Variants in NOL4 observed in about 807,000 individuals in gnomAD.
NOL4 encodes the protein nucleolar protein 4, also known as cancer/testis antigen 125.
In NOL4, 17 loss-of-function variants were observed where a neutral mutation model predicts 75.9. The observed-to-expected ratio is 0.22, with a 90% CI of 0.15 to 0.34. NOL4 has a LOEUF of 0.34. NOL4 is among the 10% of genes least tolerant of loss of function. NOL4 has a pLI of 1.00. For synonymous variants in NOL4, 292 were observed against 289.9 expected, an observed-to-expected ratio of 1.01 and a Z score of -0.07; for missense variants, 614 against 793.5, an observed-to-expected ratio of 0.77 and a Z score of 2.72.
At chr18:33,905,889 A>G (rs1479233806) in intron 9 of NOL4, among the ~76,000 whole-genome samples, 2 of 152,198 alleles carry the variant, frequency 1.3e-5, no homozygotes, top group Admixed American at 1.3e-4. Context: ...TCCAACCAGT[A>G]GTACCCAGAT....
intron 1 of NOL4, among the ~76,000 whole-genome samples, chr18:34,152,562 G>A (rs2081695181): frequency 6.6e-6 from 1 of 151,808 alleles, no homozygotes; most frequent in African/African-American, 2.4e-5. Flanking sequence ...TAAAACTGCA[G>A]ATAACCACAA....
chr18:33,887,571 G>A (rs2064826370), intron 9 of NOL4, among the ~76,000 whole-genome samples: 1 of 150,168 alleles, frequency 6.7e-6, no homozygotes, highest in South Asian at 2.1e-4. Context: ...CCCTCCCCCA[G>A]CCCCCACCCC....
intron 1 of NOL4, among the ~76,000 whole-genome samples, chr18:34,199,142 GAAGT>G (rs2035550810): frequency 1.6e-5 from 2 of 125,728 alleles, no homozygotes; most frequent in Non-Finnish European, 3.4e-5. Flanking sequence ...CTGGGACAGA[GAAGT>G]TTTTTTTTTT....
At chr18:33,927,839 G>T (rs745598174) in intron 9 of NOL4, among the ~76,000 whole-genome samples, 1 of 151,610 alleles carries the variant, frequency 6.6e-6, no homozygotes, top group African/African-American at 2.4e-5. Context: ...TGTGTTCCTC[G>T]AGGCCACAAG....
At chr18:33,994,892 T>C (rs2073164234) in intron 6 of NOL4, among the ~76,000 whole-genome samples, 1 of 151,540 alleles carries the variant, frequency 6.6e-6, no homozygotes, top group Non-Finnish European at 1.5e-5. Flanking sequence ...GACAAAACTT[T>C]AGTAGATCAA....
intron 1 of NOL4, among the ~76,000 whole-genome samples, chr18:34,148,468 T>C (rs958067724): frequency 2.0e-5 from 3 of 152,136 alleles, no homozygotes; most frequent in Non-Finnish European, 4.4e-5. Flanking sequence ...AATTTCGTTA[T>C]TTACCCAGTT....
chr18:34,021,275 T>C (rs530923654), intron 5 of NOL4, among the ~76,000 whole-genome samples: 1 of 152,280 alleles, frequency 6.6e-6, no homozygotes, highest in East Asian at 1.9e-4. Context: ...ATAGAAGGCT[T>C]CCTAAAGAAG....
chr18:34,064,719 C>T (rs905799335), intron 5 of NOL4, among the ~76,000 whole-genome samples: 15 of 151,830 alleles, frequency 9.9e-5, no homozygotes, highest in Middle Eastern at 6.8e-3. Flanking sequence ...TGTATTATAG[C>T]AATGTAAGTC....
At chr18:33,874,612 G>A (rs971032556) in intron 10 of NOL4, among the ~76,000 whole-genome samples, 1 of 151,932 alleles carries the variant, frequency 6.6e-6, no homozygotes, top group Non-Finnish European at 1.5e-5. Flanking sequence ...CTTTTGTTTG[G>A]CAATAAGTAG....
At chr18:34,179,777 CTG>C (rs2033878087) in intron 1 of NOL4, among the ~76,000 whole-genome samples, 1 of 151,592 alleles carries the variant, frequency 6.6e-6, no homozygotes, top group Admixed American at 6.6e-5. Flanking sequence ...AAGATACTCT[CTG>C]TGCACCAGAA....
At position 34,099,362 on chromosome 18, in the gene NOL4, C is replaced by CAAAAAAA. The variant is rs58940650; in HGVS notation, c.639+4678_639+4684dup. Among the ~76,000 whole-genome samples the CAAAAAAA allele has an allele frequency of 5.1e-4, 41 of 80,008 alleles. 2 individuals are homozygous for CAAAAAAA. The highest frequency in any genetic ancestry group is 2.0e-3 in the Admixed American group (13 of 6,476). 52.5% of individuals were successfully genotyped at this position (80,008 alleles called of 152,430 possible). A position where few individuals can be genotyped will look rare whatever the true frequency, so the allele number is the denominator to read the frequency against. Reference sequence around the variant, plus strand: ...TAGGCAACAGAGTGAGACTTTGTCTCAAAAAAAAAAAAAAAGACAACTACG... The same window carrying CAAAAAAA: ...TAGGCAACAGAGTGAGACTTTGTCTCAAAAAAAAAAAAAAAAAAAAAAGACAACTACG... On this transcript the variant is annotated intron_variant, in intron 4 of 10. Transcript: ENST00000261592.
chr18:34,111,952 A>C (rs1314809190), intron 2 of NOL4, among the ~76,000 whole-genome samples: 1 of 152,216 alleles, frequency 6.6e-6, no homozygotes, highest in Non-Finnish European at 1.5e-5. Context: ...TTGAAAATAG[A>C]ACTGCCAAGT....
At chr18:34,221,433 G>C (rs1600921606) in intron 1 of NOL4, 1 of 151,562 alleles carries the variant, frequency 6.6e-6, no homozygotes, top group Admixed American at 6.6e-5. Flanking sequence ...TCAGATTTCT[G>C]GCTCATCCAG....
intron 9 of NOL4, among the ~76,000 whole-genome samples, chr18:33,916,229 G>A (rs750846198): frequency 1.9e-4 from 29 of 152,086 alleles, no homozygotes; most frequent in Admixed American, 1.6e-3. Context: ...GCTCTAGAAT[G>A]ACTCTCTATG....
rs548897538 is a variant in NOL4, at chr18:34,054,066, T to A, written c.773-34465A>T. 6.5e-4 allele frequency among the ~76,000 whole-genome samples: 99 copies of A among 152,112 alleles called. 1 individual carries two copies. In the South Asian group the frequency reaches 0.02, roughly 30 times the overall value. On this transcript the variant is annotated intron_variant, in intron 5 of 10. Coordinates refer to ENST00000261592, the MANE Select transcript of NOL4 (RefSeq NM_003787.5). The stretch of plus-strand genomic sequence containing the variant: ...GCAAGCAAATTCTCACATAATTATT[T>A]TTAAATGCTAGATAGTTGGTATAAT...
intron 5 of NOL4, among the ~76,000 whole-genome samples, chr18:34,068,919 T>A (rs2077395665): frequency 6.6e-6 from 1 of 152,198 alleles, no homozygotes; most frequent in South Asian, 2.1e-4. Flanking sequence ...GGATTTATTA[T>A]CTGGGAAATA....
At chr18:33,904,879 A>G (rs1220730560) in intron 9 of NOL4, among the ~76,000 whole-genome samples, 1 of 152,192 alleles carries the variant, frequency 6.6e-6, no homozygotes, top group Non-Finnish European at 1.5e-5. Flanking sequence ...ATGAATGTCA[A>G]GGGAAGCTGT....
At chr18:34,043,318 A>T (rs2076221129) in intron 5 of NOL4, among the ~76,000 whole-genome samples, 1 of 152,112 alleles carries the variant, frequency 6.6e-6, no homozygotes, top group Non-Finnish European at 1.5e-5. Context: ...AATCTTTTGC[A>T]TCCTAAGACA....
intron 6 of NOL4, among the ~76,000 whole-genome samples, chr18:33,996,336 C>A (rs376375389): frequency 6.7e-4 from 102 of 151,800 alleles, no homozygotes; most frequent in African/African-American, 2.3e-3. Context: ...GATTCATATA[C>A]AAAAATCAAT....
Sources: gnomAD v4.1 joint callset for allele counts (sites outside exome capture counted in the v4.1 genomes callset) on GRCh38, gnomAD v4.1.1 for gene constraint, MANE v1.5 for transcripts, NCBI Gene and HGNC (gene_info 2026-07-23, HGNC 2026-07-21) for gene names.